Variants in PAXIP1 observed in about 807,000 individuals in gnomAD.
PAXIP1 encodes the protein PAX-interacting protein 1.
Under a neutral mutation model 140.6 loss-of-function variants are expected in PAXIP1, and 19 were observed. The ratio of observed to expected loss-of-function variants is 0.14; its 90% CI spans 0.09 to 0.20. PAXIP1 has a LOEUF of 0.20. Ranked by LOEUF, PAXIP1 falls within the 10% of genes least tolerant of loss-of-function variation. The pLI, the probability that PAXIP1 is intolerant of heterozygous loss-of-function variation, is 1.00. For missense variants in PAXIP1, 920 were observed against 1,208.6 expected, an observed-to-expected ratio of 0.76 and a Z score of 3.54; for synonymous variants, 442 against 444.6, an observed-to-expected ratio of 0.99 and a Z score of 0.07.
At chr7:155,002,523 C>T (rs1414233557) in intron 1 of PAXIP1, among the ~76,000 whole-genome samples, 1 of 151,858 alleles carries the variant, frequency 6.6e-6, no homozygotes, top group Non-Finnish European at 1.5e-5. Flanking sequence ...CCGCGCCCGT[C>T]CCGCTCAGCA....
At chr7:154,985,444 C>T (rs1479629707) in intron 4 of PAXIP1, among the ~76,000 whole-genome samples, 1 of 152,156 alleles carries the variant, frequency 6.6e-6, no homozygotes, top group Admixed American at 6.5e-5. Flanking sequence ...CCCACGTGCA[C>T]CTGCCGTCCT....
At chr7:154,983,100 AT>A in intron 5 of PAXIP1, 118 bp downstream of exon 5, 1 of 580,292 alleles carries the variant, frequency 1.7e-6, no homozygotes, top group South Asian at 2.6e-5. Flanking sequence ...ATAAACCAAT[AT>A]AATCAGCTTT....
At chr7:154,958,671 T>C (rs1006195380) in intron 13 of PAXIP1, among the ~76,000 whole-genome samples, 1 of 152,214 alleles carries the variant, frequency 6.6e-6, no homozygotes, top group South Asian at 2.1e-4. Context: ...AATGGTGGGA[T>C]AGGCAAAAAG....
chr7:154,961,220 C>A, intron 11 of PAXIP1, 143 bp from the exon 12 acceptor site: 1 of 681,136 alleles, frequency 1.5e-6, no homozygotes, highest in Non-Finnish European at 2.4e-6. Context: ...TTGAGGGTGA[C>A]CCTGAATGGT....
At chr7:154,983,416 C>T in intron 4 of PAXIP1, 84 bp from the exon 5 acceptor site, 1 of 677,034 alleles carries the variant, frequency 1.5e-6, no homozygotes, top group East Asian at 3.0e-5. Flanking sequence ...TATACTGCAA[C>T]AATTCTGTTT....
chr7:154,999,363 C>A (rs1563394531), intron 1 of PAXIP1, among the ~76,000 whole-genome samples: 1 of 152,092 alleles, frequency 6.6e-6, no homozygotes, highest in East Asian at 1.9e-4. Context: ...ATATGCAGGG[C>A]CACTGAAGGA....
At chr7:154,981,510 A>G (rs1164487500) in intron 5 of PAXIP1, among the ~76,000 whole-genome samples, 2 of 152,240 alleles carry the variant, frequency 1.3e-5, no homozygotes, top group African/African-American at 4.8e-5. Context: ...AATACATTAC[A>G]TAAGACAATA....
chr7:154,988,678 C>A (rs1211739453), intron 4 of PAXIP1, among the ~76,000 whole-genome samples: 1 of 152,124 alleles, frequency 6.6e-6, no homozygotes, highest in East Asian at 1.9e-4. Context: ...CTGAAAAATG[C>A]CCATAGGACT....
chr7:154,958,546 A>G (rs904977809), intron 13 of PAXIP1, among the ~76,000 whole-genome samples: 2 of 152,242 alleles, frequency 1.3e-5, no homozygotes, highest in Admixed American at 6.5e-5. Context: ...AATTTGCAGG[A>G]AAGTTTATTA....
In PAXIP1 at chr7:154,986,883, A is replaced by T. The variant is rs1252885174; in HGVS notation, c.325-3551T>A. 6.6e-6 allele frequency among the ~76,000 whole-genome samples: 1 copy of T among 152,182 alleles called. No homozygotes were observed. Among genetic ancestry groups the T allele is most frequent in the Non-Finnish European group, 1.5e-5 (1 of 68,034 alleles). On this transcript the variant is annotated intron_variant, in intron 4 of 20. Transcript: ENST00000404141. The surrounding 1 kb of genome is among the most constrained non-coding windows in gnomAD (Gnocchi z 4.8). ...CTTATCCACTGAATTTGCTAAAAGG[A>T]TATAAAATACTATCAAAGAGCTTGC... is the stretch of plus-strand genomic sequence containing the variant.
intron 8 of PAXIP1, among the ~76,000 whole-genome samples, chr7:154,965,910 A>T (rs1187963006): frequency 1.3e-5 from 2 of 152,046 alleles, no homozygotes; most frequent in African/African-American, 4.8e-5. Context: ...TCAATCTACC[A>T]GTGTTTTCGT....
rs1215275500 is a variant in PAXIP1 at position 154,963,296 on chromosome 7, C to G, written c.1989+375G>C. ...GTTCAAGCAATTCTCCTGCCTCAGC[C>G]TCCTGAGTAGCTGGGATTAGAGCTG... On this transcript the variant is annotated intron_variant, in intron 9 of 20. Coordinates refer to ENST00000404141, the MANE Select transcript of PAXIP1 (RefSeq NM_007349.4). The surrounding 1 kb of genome is among the most constrained non-coding windows in gnomAD (Gnocchi z 4.1). 6.6e-6 allele frequency among the ~76,000 whole-genome samples: 1 copy of G among 152,148 alleles called. No homozygotes were observed.
intron 13 of PAXIP1, among the ~76,000 whole-genome samples, chr7:154,959,033 C>T (rs1007457480): frequency 5.3e-5 from 8 of 152,102 alleles, no homozygotes; most frequent in East Asian, 1.9e-4. Flanking sequence ...TCCTCAGAGA[C>T]GTGGGATGAT....
rs1182674255 is a variant in PAXIP1 at position 154,946,944 on chromosome 7, TCTC to T, written c.2923-134_2923-132del. 1.1e-5 allele frequency: 7 copies of T among 636,164 alleles called. No individual in the cohort carries two copies. In the Admixed American group the frequency reaches 1.8e-4, roughly 16 times the overall value. The allele number at this position is 636,164 out of a possible 1,614,324, so 39.4% of individuals were successfully genotyped here. ...TTTTATGACATTATGAAGGTACTAT[TCTC>T]CTACTAGCACTCAATCTGAAGTGGA... On this transcript the variant is annotated intron_variant, in intron 17 of 20. Coordinates refer to ENST00000404141, the MANE Select transcript of PAXIP1 (RefSeq NM_007349.4). This position sits in a 1 kb window ranked among gnomAD's most constrained non-coding sequence, Gnocchi z 4.9.
chr7:154,944,982 CTTTTTTTTTT>C (rs11344042), intron 20 of PAXIP1: 2 of 128,948 alleles, frequency 1.6e-5, no homozygotes, highest in African/African-American at 2.9e-5. Flanking sequence ...AATTTTACTT[CTTTTTTTTTT>C]TTTTTTTTTT....
intron 16 of PAXIP1, chr7:154,951,442 T>C (rs1177486687): frequency 6.6e-6 from 1 of 152,268 alleles, no homozygotes; most frequent in East Asian, 1.9e-4. Context: ...GTACTTTCTG[T>C]AATTTTGCTG....
chr7:154,963,133 G>C lies in PAXIP1; in HGVS notation c.1989+538C>G, dbSNP rs1808840319. On this transcript the variant is annotated intron_variant, in intron 9 of 20. Coordinates refer to ENST00000404141, the MANE Select transcript of PAXIP1 (RefSeq NM_007349.4). The surrounding 1 kb of genome is among the most constrained non-coding windows in gnomAD (Gnocchi z 4.1). ...ATCCTGCGTCCCTTCACCGTGCACAGAGAGCAGCTGGAATGGTGACTGCAG... is the reference window on the plus strand; with the variant it reads ...ATCCTGCGTCCCTTCACCGTGCACACAGAGCAGCTGGAATGGTGACTGCAG... Among the ~76,000 whole-genome samples the C allele has an allele frequency of 6.6e-6, 1 of 152,274 alleles. No homozygotes were observed. The highest frequency in any genetic ancestry group is 1.5e-5 in the Non-Finnish European group (1 of 68,010).
At chr7:154,957,335 C>G (rs1808560030) in intron 13 of PAXIP1, 41 bp from the exon 14 acceptor site, 1 of 1,069,284 alleles carries the variant, frequency 9.4e-7, no homozygotes, top group Non-Finnish European at 1.4e-6. Flanking sequence ...AATCAATCTA[C>G]TAAGTAATAC....
intron 16 of PAXIP1, chr7:154,948,922 G>GT: frequency 6.6e-6 from 1 of 152,192 alleles, no homozygotes; most frequent in South Asian, 2.1e-4. Context: ...ATAAAGGATA[G>GT]TTTTATCAAT....
Sources: gnomAD v4.1 joint callset for allele counts (sites outside exome capture counted in the v4.1 genomes callset) on GRCh38, gnomAD v4.1.1 for gene constraint, Gnocchi (gnomAD v3.1) non-coding constraint, MANE v1.5 for transcripts, NCBI Gene and HGNC (gene_info 2026-07-23, HGNC 2026-07-21) for gene names.